KDM4C: variants seen among roughly 807,000 people sequenced by gnomAD.
KDM4C encodes the protein lysine-specific demethylase 4C.
A neutral mutation model predicts 129.3 loss-of-function variants in KDM4C; 81 were observed. The ratio of observed to expected loss-of-function variants is 0.63; its 90% CI spans 0.52 to 0.75. The LOEUF is 0.75. Ranked by LOEUF, KDM4C falls within the 30% of genes least tolerant of loss-of-function variation. The pLI, the probability that KDM4C is intolerant of heterozygous loss-of-function variation, is 0.00. For missense variants in KDM4C, 1,457 were observed against 1,304.0 expected, an observed-to-expected ratio of 1.12 and a Z score of -1.81; for synonymous variants, 573 against 456.1, an observed-to-expected ratio of 1.26 and a Z score of -3.26.
chr9:6,733,501 A>G (rs922748199), intron 1 of KDM4C, among the ~76,000 whole-genome samples: 2 of 152,224 alleles, frequency 1.3e-5, no homozygotes, highest in African/African-American at 2.4e-5. Flanking sequence ...TCTCAGGGCC[A>G]TCTTACTGCT....
chr9:6,932,596 G>T (rs1228196744), intron 8 of KDM4C, among the ~76,000 whole-genome samples: 1 of 152,132 alleles, frequency 6.6e-6, no homozygotes, highest in East Asian at 1.9e-4. Context: ...GTTATTTGGG[G>T]AAGGAGGAAA....
chr9:7,164,015 G>C (rs1190803963), intron 19 of KDM4C, among the ~76,000 whole-genome samples: 2 of 152,232 alleles, frequency 1.3e-5, no homozygotes, highest in East Asian at 3.9e-4. Flanking sequence ...TTAGTAATAA[G>C]AAATAGTACA....
At chr9:6,735,196 C>T (rs1282244640) in intron 1 of KDM4C, 1 of 210,564 alleles carries the variant, frequency 4.7e-6, no homozygotes, top group Non-Finnish European at 9.5e-6. Context: ...GAAATTGGCT[C>T]TGCAGAAACA....
chr9:6,848,260 C>T (rs745634668), intron 4 of KDM4C, among the ~76,000 whole-genome samples: 3 of 152,096 alleles, frequency 2.0e-5, no homozygotes, highest in Non-Finnish European at 4.4e-5. Flanking sequence ...TTTCAGTTTC[C>T]CCATGATTAC....
chr9:6,910,675 A>C (rs1819131810), intron 8 of KDM4C, among the ~76,000 whole-genome samples: 1 of 152,250 alleles, frequency 6.6e-6, no homozygotes, highest in Admixed American at 6.5e-5. Flanking sequence ...CACCAGCCTT[A>C]GAAATGTGTG....
At chr9:6,724,171 G>C (rs1817051019) in intron 1 of KDM4C, among the ~76,000 whole-genome samples, 1 of 152,174 alleles carries the variant, frequency 6.6e-6, no homozygotes. Flanking sequence ...CTCTCATTTG[G>C]AACAGTTCTA....
Position 7,128,170 on chromosome 9 carries a change from G to T in KDM4C, c.2715G>T (p.Gln905His). 6.2e-7 allele frequency: 1 copy of T among 1,612,782 alleles called. No homozygotes were observed. The highest frequency in any genetic ancestry group is 8.5e-7 in the Non-Finnish European group (1 of 1,179,496). ...YSCRVMAVTSQTFYEVMFDDG... is the reference protein window; with the variant it reads ...YSCRVMAVTSHTFYEVMFDDG... ...GCAGAGTGATGGCTGTGACATCGCAGACCTTCTATGAGGTCATGTTTGATG... is the reference window on the plus strand; with the variant it reads ...GCAGAGTGATGGCTGTGACATCGCATACCTTCTATGAGGTCATGTTTGATG... The change falls in exon 19 of 22, where the codon CAG becomes CAT. Residue 905 changes from glutamine to histidine, a missense_variant. Coordinates refer to ENST00000381309, the MANE Select transcript of KDM4C (RefSeq NM_015061.6).
At chr9:7,126,532 C>G (rs558923158) in intron 18 of KDM4C, among the ~76,000 whole-genome samples, 1 of 152,100 alleles carries the variant, frequency 6.6e-6, no homozygotes, top group Non-Finnish European at 1.5e-5. Context: ...CAAGAAAGAA[C>G]CTGCAGGGAT....
At chr9:7,115,129 C>G (rs1838754754) in intron 18 of KDM4C, among the ~76,000 whole-genome samples, 1 of 152,034 alleles carries the variant, frequency 6.6e-6, no homozygotes, top group African/African-American at 2.4e-5. Context: ...TTACATGGGA[C>G]ACTTGATACT....
intron 1 of KDM4C, among the ~76,000 whole-genome samples, chr9:6,787,743 A>T (rs1435410627): frequency 1.3e-5 from 2 of 152,168 alleles, no homozygotes; most frequent in Non-Finnish European, 2.9e-5. Flanking sequence ...CCTTTTTGAC[A>T]CAAGAGCCAG....
At chr9:7,020,568 C>G (rs1337165555) in intron 15 of KDM4C, among the ~76,000 whole-genome samples, 3 of 152,148 alleles carry the variant, frequency 2.0e-5, no homozygotes, top group East Asian at 3.8e-4. Context: ...ATTACCAAAT[C>G]CAGATTTTAG....
chr9:7,035,666 G>C (rs914050120), intron 15 of KDM4C, among the ~76,000 whole-genome samples: 1 of 152,014 alleles, frequency 6.6e-6, no homozygotes, highest in African/African-American at 2.4e-5. Context: ...TTTTGTATAG[G>C]GTGAGAAGTG....
intron 5 of KDM4C, among the ~76,000 whole-genome samples, chr9:6,853,955 T>C (rs1374117221): frequency 6.6e-6 from 1 of 152,236 alleles, no homozygotes; most frequent in Non-Finnish European, 1.5e-5. Context: ...GTATATACTG[T>C]GTATAAATGC....
At chr9:6,844,863 T>C (rs1006586116) in intron 4 of KDM4C, among the ~76,000 whole-genome samples, 2 of 152,098 alleles carry the variant, frequency 1.3e-5, no homozygotes, top group Non-Finnish European at 2.9e-5. Flanking sequence ...AATTTTTGTA[T>C]TTTTAGTAGA....
chr9:7,046,382 C>T (rs1829397708), intron 15 of KDM4C, among the ~76,000 whole-genome samples: 4 of 151,832 alleles, frequency 2.6e-5, no homozygotes, highest in African/African-American at 9.7e-5. Context: ...AAAAGAGTAT[C>T]GTTTAAAAAT....
At chr9:7,161,838 A>C (rs1384990205) in intron 19 of KDM4C, among the ~76,000 whole-genome samples, 2 of 152,258 alleles carry the variant, frequency 1.3e-5, no homozygotes, top group Non-Finnish European at 2.9e-5. Flanking sequence ...TCATCAGCTC[A>C]CATGCTTCTA....
At chr9:6,812,141 G>A (rs1466778123) in intron 3 of KDM4C, among the ~76,000 whole-genome samples, 1 of 151,832 alleles carries the variant, frequency 6.6e-6, no homozygotes, top group Admixed American at 6.6e-5. Flanking sequence ...GGAGGCTGAG[G>A]CAGGAGAATC....
chr9:6,969,735 C>G (rs61545232), intron 8 of KDM4C, among the ~76,000 whole-genome samples: 1 of 152,018 alleles, frequency 6.6e-6, no homozygotes, highest in South Asian at 2.1e-4. Context: ...AATTTTTTTT[C>G]TATGTTCAGA....
At chr9:7,050,127 C>T (rs1829940463) in intron 17 of KDM4C, among the ~76,000 whole-genome samples, 1 of 152,010 alleles carries the variant, frequency 6.6e-6, no homozygotes, top group African/African-American at 2.4e-5. Context: ...CACAGTCTAG[C>T]CTACTGTATT....
Sources: gnomAD v4.1 joint callset for allele counts (sites outside exome capture counted in the v4.1 genomes callset) on GRCh38, gnomAD v4.1.1 for gene constraint, MANE v1.5 for transcripts, NCBI Gene and HGNC (gene_info 2026-07-23, HGNC 2026-07-21) for gene names.